Variants in CCDC126 observed in about 807,000 individuals in gnomAD.
CCDC126 encodes coiled-coil domain-containing protein 126.
A neutral mutation model predicts 11.7 loss-of-function variants in CCDC126; 5 were observed. The observed-to-expected ratio is 0.43, with a 90% CI of 0.22 to 0.90. CCDC126 has a LOEUF of 0.90. CCDC126 is among the 40% of genes least tolerant of loss of function. CCDC126 has a pLI of 0.27. For synonymous variants in CCDC126, 60 were observed against 61.9 expected (o/e 0.97, Z 0.14); for missense variants, 150 against 163.1 (o/e 0.92, Z 0.44).
chr7:23,611,825 T>G (rs1260217234), intron 3 of CCDC126, among the ~76,000 whole-genome samples: 1 of 152,352 alleles, frequency 6.6e-6, no homozygotes, highest in Non-Finnish European at 1.5e-5. Context: ...GACATTTCGC[T>G]GCTAGATATA....
intron 3 of CCDC126, among the ~76,000 whole-genome samples, chr7:23,637,188 C>T (rs1321457873): frequency 8.6e-5 from 5 of 57,830 alleles, no homozygotes; most frequent in African/African-American, 3.7e-4. Flanking sequence ...CCAGCCGCCC[C>T]GTCCGGGAGG....
intron 2 of CCDC126, among the ~76,000 whole-genome samples, chr7:23,598,934 T>G (rs1036558170): frequency 6.6e-6 from 1 of 152,238 alleles, no homozygotes; most frequent in East Asian, 1.9e-4. Flanking sequence ...AGCTCAGACT[T>G]TCAATGATAA....
At chr7:23,611,869 C>T (rs950255207) in intron 3 of CCDC126, among the ~76,000 whole-genome samples, 18 of 152,120 alleles carry the variant, frequency 1.2e-4, no homozygotes, top group African/African-American at 3.6e-4. Context: ...GGAGGCCGGG[C>T]GTGATGGCTC....
intron 3 of CCDC126, among the ~76,000 whole-genome samples, chr7:23,612,696 C>T (rs762385008): frequency 6.6e-6 from 1 of 151,800 alleles, no homozygotes; most frequent in South Asian, 2.1e-4. Context: ...AAAAAAATGA[C>T]CTTCTTGGAC....
rs374366639 is a variant in CCDC126 at position 23,635,969 on chromosome 7, C to G, written c.239-6962C>G. On this transcript the variant is annotated intron_variant, in intron 3 of 3. Transcript: ENST00000307471. ...ACGGTACTGCTGCCATCTCGGCTCA[C>G]TGCAACCTCCCTGCCTGATTCTCCT... Among the ~76,000 whole-genome samples, 779 of 152,282 alleles carry G rather than the reference C, an allele frequency of 5.1e-3. 9 individuals are homozygous for G. The highest frequency in any genetic ancestry group is 0.039 in the East Asian group (203 of 5,170).
chr7:23,612,297 T>C (rs1405042249), intron 3 of CCDC126, among the ~76,000 whole-genome samples: 1 of 149,894 alleles, frequency 6.7e-6, no homozygotes, highest in African/African-American at 2.5e-5. Flanking sequence ...AGACCGCTAC[T>C]AAAAATACAA....
chr7:23,629,498 T>C (rs1413844007), intron 3 of CCDC126, among the ~76,000 whole-genome samples: 1 of 152,132 alleles, frequency 6.6e-6, no homozygotes, highest in African/African-American at 2.4e-5. Flanking sequence ...GACAATGATA[T>C]ATTAGAATTA....
chr7:23,603,024 G>C (rs1782567962), intron 2 of CCDC126, among the ~76,000 whole-genome samples: 1 of 152,098 alleles, frequency 6.6e-6, no homozygotes. Flanking sequence ...GCCTTAAATA[G>C]AACTGCATGT....
Position 23,611,235 on chromosome 7 carries a change from C to CTTTTTTTTTTTTATTTTTTTTTTT in CCDC126, c.-71_-70insTTATTTTTTTTTTTTTTTTTTTTT. ...TATACAATATTGAGGATATTTTTTT[C>CTTTTTTTTTTTTATTTTTTTTTTT]TTTTTTTTTTCAAGTCTTGATTTGT... On this transcript the variant is annotated 5_prime_UTR_variant, in exon 3 of 4. Transcript: ENST00000307471. 1.3e-6 allele frequency: 1 copy of CTTTTTTTTTTTTATTTTTTTTTTT among 748,776 alleles called. No individual in the cohort carries two copies. The highest frequency in any genetic ancestry group is 1.8e-5 in the African/African-American group (1 of 54,740). The allele number at this position is 748,776 out of a possible 1,614,324, so 46.4% of individuals were successfully genotyped here.
chr7:23,610,365 C>T (rs1782688398), intron 2 of CCDC126, among the ~76,000 whole-genome samples: 2 of 152,118 alleles, frequency 1.3e-5, no homozygotes, highest in African/African-American at 4.8e-5. Context: ...GCGCATGCCA[C>T]CATGCCTGGC....
chr7:23,611,652 T>C (rs1260439291), intron 3 of CCDC126, 99 bp downstream of exon 3: 1 of 784,036 alleles, frequency 1.3e-6, no homozygotes, highest in Admixed American at 2.5e-5. Flanking sequence ...CTTTGCAAAG[T>C]AATTTTTTCT....
chr7:23,622,827 A>G (rs1339776668), intron 3 of CCDC126: 2 of 427,080 alleles, frequency 4.7e-6, no homozygotes, highest in East Asian at 5.9e-5. Flanking sequence ...TCCATTCTAA[A>G]TCTTACAAGA....
intron 3 of CCDC126, among the ~76,000 whole-genome samples, chr7:23,624,195 A>G (rs1782974321): frequency 6.6e-6 from 1 of 152,226 alleles, no homozygotes; most frequent in Non-Finnish European, 1.5e-5. Context: ...TTGTGCTTAA[A>G]AACATAAAGA....
intron 3 of CCDC126, among the ~76,000 whole-genome samples, chr7:23,628,921 T>G (rs1783059381): frequency 6.6e-6 from 1 of 152,152 alleles, no homozygotes; most frequent in Non-Finnish European, 1.5e-5. Flanking sequence ...TTGAGTATTG[T>G]GGAAGCTGAA....
At chr7:23,602,306 T>G (rs921424513) in intron 2 of CCDC126, 13 of 152,244 alleles carry the variant, frequency 8.5e-5, no homozygotes, top group Non-Finnish European at 1.3e-4. Context: ...TTAATACAAG[T>G]TTTAAGTAAA....
chr7:23,606,879 G>A (rs1358396781), intron 2 of CCDC126, among the ~76,000 whole-genome samples: 3 of 152,012 alleles, frequency 2.0e-5, no homozygotes, highest in Non-Finnish European at 4.4e-5. Flanking sequence ...ACGTGATGAG[G>A]CAGGAGGATC....
chr7:23,628,445 A>G (rs1392676871), intron 3 of CCDC126, among the ~76,000 whole-genome samples: 4 of 152,268 alleles, frequency 2.6e-5, no homozygotes, highest in Admixed American at 6.5e-5. Flanking sequence ...CAGCCTAGCA[A>G]GCTAGAAAAC....
chr7:23,618,634 T>A (rs1782835192), intron 3 of CCDC126, among the ~76,000 whole-genome samples: 1 of 148,360 alleles, frequency 6.7e-6, no homozygotes. Flanking sequence ...CACTGCAACA[T>A]CCACCTCCTG....
rs1457094060 is a variant in CCDC126, at chr7:23,643,175, G to T, written c.*60G>T. ...GTGGATTATATCCTATGGCAGAAAA[G>T]CTTTATAATTGCTGGCTTAGGACAG... On this transcript the variant is annotated 3_prime_UTR_variant, in exon 4 of 4. Transcript: ENST00000307471. 6.9e-7 allele frequency: 1 copy of T among 1,458,584 alleles called. No individual in the cohort carries two copies. Among genetic ancestry groups the T allele is most frequent in the African/African-American group, 1.4e-5 (1 of 70,982 alleles). 90.4% of individuals were successfully genotyped at this position (1,458,584 alleles called of 1,614,324 possible).
Sources: allele counts gnomAD v4.1 joint callset (sites outside exome capture counted in the v4.1 genomes callset), GRCh38; gene constraint gnomAD v4.1.1; transcripts MANE v1.5; gene names NCBI Gene and HGNC (gene_info 2026-07-23, HGNC 2026-07-21).